The following CNTN1 variants were observed in gnomAD, a reference collection of about 807,000 sequenced individuals.
CNTN1 encodes the protein contactin 1.
In CNTN1, 38 loss-of-function variants were observed where a neutral mutation model predicts 126.4. The ratio of observed to expected loss-of-function variants is 0.30; its 90% confidence interval spans 0.23 to 0.39. The LOEUF is 0.39. CNTN1 is among the 10% of genes least tolerant of loss of function. CNTN1 has a pLI of 1.00. For missense variants in CNTN1, 1,009 were observed against 1,248.4 expected (o/e 0.81, Z 2.89); for synonymous variants, 413 against 422.6 (o/e 0.98, Z 0.28).
chr12:41,019,339 G>A (rs1314401823), intron 19 of CNTN1, among the ~76,000 whole-genome samples: 1 of 152,076 alleles, frequency 6.6e-6, no homozygotes, highest in Non-Finnish European at 1.5e-5. Context: ...CATCTATTTA[G>A]TCATGGCTAT....
chr12:41,061,820 C>G, intron 23 of CNTN1: 1 of 455,706 alleles, frequency 2.2e-6, no homozygotes. Flanking sequence ...GCATCAGAAC[C>G]ATGTCTTGAG....
In CNTN1 at chr12:40,886,915, C is replaced by T. The variant is rs183001857; in HGVS notation, c.-76-21442C>T. On this transcript the variant is annotated intron_variant, in intron 1 of 23. Transcript: ENST00000551295. ...TTAATTCTGAGGGCTCTGTTCTGTTCCATTGATCTATATCTCTGTTTTGGT... is the reference window on the plus strand; with the variant it reads ...TTAATTCTGAGGGCTCTGTTCTGTTTCATTGATCTATATCTCTGTTTTGGT... 3.3e-5 allele frequency among the ~76,000 whole-genome samples: 5 copies of T among 152,236 alleles called. No individual in the cohort carries two copies. In the East Asian group the frequency reaches 7.7e-4, roughly 24 times the overall value.
At chr12:40,943,546 T>A in intron 12 of CNTN1, 51 bp from the exon 13 acceptor site, 1 of 1,326,506 alleles carries the variant, frequency 7.5e-7, no homozygotes, top group Non-Finnish European at 1.1e-6. Flanking sequence ...GACATAATAA[T>A]GTATTTTACT....
chr12:40,882,487 CAG>C (rs1032566071), intron 1 of CNTN1, among the ~76,000 whole-genome samples: 1 of 151,632 alleles, frequency 6.6e-6, no homozygotes, highest in African/African-American at 2.4e-5. Flanking sequence ...CTCACTCTCC[CAG>C]AGAGTTCTCT....
chr12:40,727,090 A>C (rs538378849), intron 1 of CNTN1, among the ~76,000 whole-genome samples: 1 of 149,124 alleles, frequency 6.7e-6, no homozygotes, highest in African/African-American at 2.5e-5. Flanking sequence ...AATTTCTAAT[A>C]ATAAAAAAGA....
At chr12:40,841,520 A>T (rs376585885) in intron 1 of CNTN1, among the ~76,000 whole-genome samples, 20 of 152,072 alleles carry the variant, frequency 1.3e-4, no homozygotes, top group East Asian at 1.2e-3. Context: ...TGGACACAAA[A>T]ATCTGCAACA....
At chr12:41,005,579 C>T (rs1948469793) in intron 17 of CNTN1, among the ~76,000 whole-genome samples, 1 of 151,998 alleles carries the variant, frequency 6.6e-6, no homozygotes, top group South Asian at 2.1e-4. Context: ...CAATGAGTTG[C>T]AGATTCAGTC....
At position 40,906,220 on chromosome 12, in the gene CNTN1, G is replaced by A. The variant is rs536536896; in HGVS notation, c.-76-2137G>A. The stretch of plus-strand genomic sequence containing the variant: ...CAGGAGGTGGAGCTTGCAGTGAGCC[G>A]AGACTGCACCACTGCACTCCAGACT... On this transcript the variant is annotated intron_variant, in intron 1 of 23. Transcript: ENST00000551295. Among the ~76,000 whole-genome samples the A allele has an allele frequency of 5.9e-5, 9 of 152,186 alleles. No homozygotes were observed. The South Asian group carries it at 1.5e-3, about 25-fold the overall frequency.
At chr12:40,923,527 T>C (rs1169076224) in intron 5 of CNTN1, among the ~76,000 whole-genome samples, 15 of 152,062 alleles carry the variant, frequency 9.9e-5, no homozygotes, top group African/African-American at 3.6e-4. Context: ...AATTAACAGG[T>C]TGCATTGCAC....
chr12:40,940,108 G>T (rs1360900007), intron 12 of CNTN1, among the ~76,000 whole-genome samples: 2 of 152,090 alleles, frequency 1.3e-5, no homozygotes, highest in Non-Finnish European at 2.9e-5. Flanking sequence ...GTAATATTGA[G>T]TGCAAAAATT....
chr12:40,828,627 C>T (rs1036793856), intron 1 of CNTN1, among the ~76,000 whole-genome samples: 2 of 152,120 alleles, frequency 1.3e-5, no homozygotes, highest in Non-Finnish European at 2.9e-5. Context: ...AGTTTTAGCA[C>T]GGCTGTGGCA....
chr12:40,960,266 G>A lies in CNTN1; in HGVS notation c.1804+1032G>A, dbSNP rs112350657. Among the ~76,000 whole-genome samples, 1,212 of 151,218 alleles carry A rather than the reference G, an allele frequency of 8.0e-3. 21 individuals are homozygous for A. Among genetic ancestry groups the A allele is most frequent in the African/African-American group, 0.027 (1,116 of 41,226 alleles). ...TGGCAGAGTTCCTTTGCATTGTTTC[G>A]TAGCTCTCTCTTTCTGTCTCAGTGT... On this transcript the variant is annotated intron_variant, in intron 15 of 23. Coordinates refer to ENST00000551295, the MANE Select transcript of CNTN1 (RefSeq NM_001843.4).
chr12:40,980,465 G>T (rs1045897542), intron 15 of CNTN1, among the ~76,000 whole-genome samples: 27 of 126,176 alleles, frequency 2.1e-4, no homozygotes, highest in Admixed American at 1.8e-3. Flanking sequence ...AAAAAAAAAA[G>T]CCACAAAGAA....
At chr12:40,694,169 G>A (rs1941384955) in intron 1 of CNTN1, among the ~76,000 whole-genome samples, 1 of 152,164 alleles carries the variant, frequency 6.6e-6, no homozygotes, top group African/African-American at 2.4e-5. Flanking sequence ...TTGGGGATCT[G>A]GGAATGGATC....
chr12:40,860,838 G>T (rs1943093422), intron 1 of CNTN1, among the ~76,000 whole-genome samples: 1 of 152,052 alleles, frequency 6.6e-6, no homozygotes. Context: ...AAAGTTTGAG[G>T]TGGGGCTGAG....
At chr12:40,994,112 G>A (rs1436475412) in intron 17 of CNTN1, among the ~76,000 whole-genome samples, 2 of 152,058 alleles carry the variant, frequency 1.3e-5, no homozygotes, top group African/African-American at 4.8e-5. Flanking sequence ...TGGTAATCAT[G>A]TCTAGATGAT....
At chr12:41,069,813 T>C in intron 23 of CNTN1, 146 bp from the exon 24 acceptor site, 1 of 701,930 alleles carries the variant, frequency 1.4e-6, no homozygotes. Context: ...TTTTCTTAAA[T>C]CATGTAAGAA....
At chr12:41,011,692 A>T (rs1041410026) in intron 17 of CNTN1, among the ~76,000 whole-genome samples, 1 of 152,172 alleles carries the variant, frequency 6.6e-6, no homozygotes, top group African/African-American at 2.4e-5. Flanking sequence ...GATCTTGGGA[A>T]AGACTATGTA....
chr12:40,921,674 G>A (rs1565951667), intron 4 of CNTN1, among the ~76,000 whole-genome samples: 1 of 152,102 alleles, frequency 6.6e-6, no homozygotes, highest in African/African-American at 2.4e-5. Flanking sequence ...GGAAAATCCA[G>A]ATTTACTTGT....
Sources: gnomAD v4.1 joint callset for allele counts (sites outside exome capture counted in the v4.1 genomes callset) on GRCh38, gnomAD v4.1.1 for gene constraint, MANE v1.5 for transcripts, NCBI Gene and HGNC (gene_info 2026-07-23, HGNC 2026-07-21) for gene names.